RUSC2: variants seen among roughly 807,000 people sequenced by gnomAD.
RUSC2 encodes the protein AP-4 complex accessory subunit RUSC2.
In RUSC2, 34 loss-of-function variants were observed where a neutral mutation model predicts 122.2. The ratio of observed to expected loss-of-function variants is 0.28; its 90% CI spans 0.21 to 0.37. The LOEUF (loss-of-function observed/expected upper bound fraction) is 0.37, where lower values mean the gene tolerates loss of function less well. RUSC2 is among the 10% of genes least tolerant of loss of function. The probability of loss-of-function intolerance (pLI) is 1.00; values close to 1 mark genes in which losing one functional copy is unlikely to be tolerated. For synonymous variants in RUSC2, 784 were observed against 790.0 expected (o/e 0.99, Z 0.13); for missense variants, 1,747 against 1,952.4 (o/e 0.89, Z 1.98).
At chr9:35,504,466 T>C (rs1445788132) in intron 1 of RUSC2, among the ~76,000 whole-genome samples, 1 of 146,240 alleles carries the variant, frequency 6.8e-6, no homozygotes, top group Non-Finnish European at 1.5e-5. Context: ...TTGGGTTTTT[T>C]TTCTTTTTTT....
At chr9:35,532,660 C>G (rs758198654) in intron 1 of RUSC2, among the ~76,000 whole-genome samples, 2 of 151,710 alleles carry the variant, frequency 1.3e-5, no homozygotes. Context: ...GAACGAGAAT[C>G]ACTTTAACCT....
chr9:35,526,360 T>C (rs1472093345), intron 1 of RUSC2, among the ~76,000 whole-genome samples: 1 of 152,236 alleles, frequency 6.6e-6, no homozygotes, highest in Non-Finnish European at 1.5e-5. Flanking sequence ...TGGTCAGAAT[T>C]GTGTAATCTC....
chr9:35,516,656 C>T (rs1209460615), intron 1 of RUSC2, among the ~76,000 whole-genome samples: 2 of 152,180 alleles, frequency 1.3e-5, no homozygotes, highest in Non-Finnish European at 1.5e-5. Context: ...CTCAGTGACT[C>T]CTCAGAGGGG....
intron 1 of RUSC2, among the ~76,000 whole-genome samples, chr9:35,490,598 C>T (rs1175873864): frequency 3.3e-5 from 5 of 152,172 alleles, no homozygotes; most frequent in Admixed American, 3.3e-4. Flanking sequence ...GCACCCAGGC[C>T]GGCGACTGCA....
At chr9:35,551,389 A>T (rs1039900167) in intron 2 of RUSC2, among the ~76,000 whole-genome samples, 2 of 151,146 alleles carry the variant, frequency 1.3e-5, no homozygotes, top group African/African-American at 4.8e-5. Flanking sequence ...AGAAGACTTC[A>T]TGTTCCTAAC....
Position 35,560,370 on chromosome 9 carries a change from G to C in RUSC2, c.3730G>C (p.Glu1244Gln), listed in dbSNP as rs753880307. 3.1e-6 allele frequency: 5 copies of C among 1,613,494 alleles called. No individual in the cohort carries two copies. The East Asian group carries it at 1.1e-4, about 36-fold the overall frequency. The change falls in exon 10 of 12, where the codon GAA becomes CAA. Residue 1244 changes from glutamate to glutamine, a missense_variant. Physicochemically the swap from Glu to Gln is conservative, Grantham distance 29 (BLOSUM62 2). Transcript: ENST00000361226. ...AGAAGGTGGAGAAGAGGAAGAGGAA[G>C]AAGAGGAGACAGAAGAGGTGGCAGA... ...ASEGGEEEEE[E>Q]EETEEVAEAA...
rs1821754583 is a variant in RUSC2, at chr9:35,546,775, A to G, written c.254A>G (p.Lys85Arg). The G allele has an allele frequency of 1.2e-6, 2 of 1,605,422 alleles. No individual in the cohort carries two copies. The highest frequency in any genetic ancestry group is 1.3e-5 in the African/African-American group (1 of 74,932). The change falls in exon 2 of 12, where the codon AAG becomes AGG. Residue 85 changes from lysine (K) to arginine (R), a missense_variant. Lys to Arg is a conservative substitution (Grantham distance 26, BLOSUM62 2). Transcript: ENST00000361226. This position sits in a 1 kb window ranked among gnomAD's most constrained non-coding sequence, Gnocchi z 4.3. ...GGTARSIDSTKSRSRDGRGPG... is the reference protein window; with the variant it reads ...GGTARSIDSTRSRSRDGRGPG... ...ACTGCACGGTCTATAGACAGCACCA[A>G]GAGTAGGAGTCGGGATGGAAGAGGC...
chr9:35,521,177 T>G (rs1433845961), intron 1 of RUSC2, among the ~76,000 whole-genome samples: 1 of 152,114 alleles, frequency 6.6e-6, no homozygotes, highest in Admixed American at 6.5e-5. Flanking sequence ...AGGTTTTAAT[T>G]TGGCTTAGGT....
intron 1 of RUSC2, among the ~76,000 whole-genome samples, chr9:35,496,643 T>A (rs1820719421): frequency 6.6e-6 from 1 of 152,194 alleles, no homozygotes; most frequent in South Asian, 2.1e-4. Flanking sequence ...GTAAATTTAC[T>A]ATCACTGATG....
chr9:35,561,522 T>C lies in RUSC2; in HGVS notation c.*140T>C, dbSNP rs1489821344. On this transcript the variant is annotated 3_prime_UTR_variant, in exon 12 of 12. Transcript: ENST00000361226. The stretch of plus-strand genomic sequence containing the variant: ...TATCCCTGTGCTGGCACCTGCTCCC[T>C]GTGCTCAGTATTAATTACGCCCCCT... 3 of 678,854 alleles carry C rather than the reference T, an allele frequency of 4.4e-6. No individual in the cohort carries two copies. Among genetic ancestry groups the C allele is most frequent in the East Asian group, 5.4e-5 (2 of 37,064 alleles). 42.1% of individuals were successfully genotyped at this position (678,854 alleles called of 1,614,324 possible).
Position 35,547,633 on chromosome 9 carries a change from A to T in RUSC2, c.1112A>T (p.Glu371Val), listed in dbSNP as rs942501185. The T allele has an allele frequency of 1.2e-6, 2 of 1,614,176 alleles. No individual in the cohort carries two copies. Among genetic ancestry groups the T allele is most frequent in the Non-Finnish European group, 1.7e-6 (2 of 1,180,034 alleles). ...ANCNSYRPHC[E>V]PCPAVADLTA... ...TGCAACTCCTACCGCCCACACTGTG[A>T]GCCGTGCCCAGCAGTGGCTGACCTC... The change falls in exon 2 of 12, where the codon GAG (glutamate) becomes GTG (valine). Residue 371 changes from glutamate (E) to valine (V), a missense_variant. By Grantham distance (121) the Glu-to-Val change is moderately radical (BLOSUM62 -2). Transcript: ENST00000361226. This position sits in a 1 kb window ranked among gnomAD's most constrained non-coding sequence, Gnocchi z 4.6.
chr9:35,505,354 A>C (rs535080695), intron 1 of RUSC2, among the ~76,000 whole-genome samples: 9 of 152,258 alleles, frequency 5.9e-5, no homozygotes, highest in Admixed American at 2.6e-4. Flanking sequence ...GGTTTTCTCT[A>C]ACTGAGATCC....
chr9:35,525,343 G>A (rs899389928), intron 1 of RUSC2, among the ~76,000 whole-genome samples: 4 of 152,128 alleles, frequency 2.6e-5, no homozygotes, highest in African/African-American at 9.7e-5. Flanking sequence ...TTCCAGAGTC[G>A]AATGCAGTTC....
In RUSC2 at chr9:35,534,505, A is replaced by C. The variant is rs555376040; in HGVS notation, c.-92-11925A>C. The stretch of plus-strand genomic sequence containing the variant: ...ATTTACTTATTTATTTTTTTGAGAC[A>C]GGTTCTCACTCTGTCACCCAGGCTG... On this transcript the variant is annotated intron_variant, in intron 1 of 11. Transcript: ENST00000361226. Among the ~76,000 whole-genome samples the C allele has an allele frequency of 1.8e-4, 28 of 151,964 alleles. No homozygotes were observed. The South Asian group carries it at 5.4e-3, about 29-fold the overall frequency.
At position 35,557,942 on chromosome 9, in the gene RUSC2, G is replaced by A; in HGVS notation, c.3012G>A (p.Val1004=). The change falls in exon 6 of 12, where the codon GTG becomes GTA. Residue 1004 remains valine (V), a synonymous_variant. Transcript: ENST00000361226. This position sits in a 1 kb window ranked among gnomAD's most constrained non-coding sequence, Gnocchi z 4.6. The part of the protein sequence containing the change: ...KGLVKAVNIA[V]DLIVAHFGTS... ...TGGTAAAAGCTGTTAACATCGCTGT[G>A]GACCTCATTGTGGCTCATTTTGGCA... 2 of 1,614,196 alleles carry A rather than the reference G, an allele frequency of 1.2e-6. No homozygotes were observed. Among genetic ancestry groups the A allele is most frequent in the Non-Finnish European group, 1.7e-6 (2 of 1,180,034 alleles).
chr9:35,513,903 CATATAT>C (rs3068511), intron 1 of RUSC2, among the ~76,000 whole-genome samples: 31,957 of 104,154 alleles, frequency 0.31, 4,802 homozygotes, highest in Non-Finnish European at 0.37. Context: ...CTTCAACAAA[CATATAT>C]ATATATATAT....
intron 1 of RUSC2, among the ~76,000 whole-genome samples, chr9:35,520,809 T>G (rs909426734): frequency 6.6e-6 from 1 of 152,132 alleles, no homozygotes; most frequent in Non-Finnish European, 1.5e-5. Context: ...CCTCGTACAC[T>G]GTCTCTGGTC....
intron 1 of RUSC2, among the ~76,000 whole-genome samples, chr9:35,531,955 G>C (rs922167898): frequency 6.6e-6 from 1 of 152,134 alleles, no homozygotes; most frequent in Non-Finnish European, 1.5e-5. Flanking sequence ...GAACCCGGGA[G>C]GCAGAGCTTG....
At chr9:35,494,952 A>T (rs1820650026) in intron 1 of RUSC2, among the ~76,000 whole-genome samples, 1 of 124,530 alleles carries the variant, frequency 8.0e-6, no homozygotes, top group African/African-American at 3.0e-5. Context: ...AATATATATT[A>T]TACATATATA....
Sources: gnomAD v4.1 joint callset for allele counts (sites outside exome capture counted in the v4.1 genomes callset) on GRCh38, gnomAD v4.1.1 for gene constraint, Gnocchi (gnomAD v3.1) non-coding constraint, MANE v1.5 for transcripts, NCBI Gene and HGNC (gene_info 2026-07-23, HGNC 2026-07-21) for gene names.